The following LHFPL6 variants were observed in gnomAD, a reference collection of about 807,000 sequenced individuals.
LHFPL6 encodes the protein LHFPL tetraspan subfamily member 6 protein.
Under a neutral mutation model 20.6 loss-of-function variants are expected in LHFPL6, and 9 were observed. That is an observed-to-expected ratio of 0.44 (90% CI 0.26 to 0.76). The LOEUF (loss-of-function observed/expected upper bound fraction) is 0.76. Among genes scored for constraint, LHFPL6 ranks in the 30% least tolerant of loss-of-function variants. The pLI is 0.20. For missense variants in LHFPL6, 218 were observed against 253.5 expected (o/e 0.86, Z 0.95); for synonymous variants, 105 against 98.7 (o/e 1.06, Z -0.38).
chr13:39,572,944 A>T (rs1871979547), intron 2 of LHFPL6, among the ~76,000 whole-genome samples: 2 of 152,226 alleles, frequency 1.3e-5, no homozygotes, highest in Non-Finnish European at 2.9e-5. Context: ...AAAGTAATGA[A>T]TAATGTTATT....
At chr13:39,466,247 C>A (rs1872803328) in intron 2 of LHFPL6, among the ~76,000 whole-genome samples, 1 of 152,066 alleles carries the variant, frequency 6.6e-6, no homozygotes, top group Non-Finnish European at 1.5e-5. Context: ...TCAATATTGC[C>A]ACATAATTCT....
chr13:39,384,763 T>C (rs1566099216), intron 2 of LHFPL6, among the ~76,000 whole-genome samples: 1 of 152,222 alleles, frequency 6.6e-6, no homozygotes, highest in East Asian at 1.9e-4. Context: ...TAATATTATT[T>C]ACATGGGTTT....
chr13:39,473,463 C>T (rs913955178), intron 2 of LHFPL6, among the ~76,000 whole-genome samples: 1 of 151,352 alleles, frequency 6.6e-6, no homozygotes, highest in African/African-American at 2.4e-5. Flanking sequence ...GAGTGAAAGA[C>T]TGAAAGCCAA....
At chr13:39,517,063 T>C (rs1275438254) in intron 2 of LHFPL6, among the ~76,000 whole-genome samples, 1 of 152,184 alleles carries the variant, frequency 6.6e-6, no homozygotes, top group Non-Finnish European at 1.5e-5. Context: ...ATAATACCTT[T>C]TCTAGAAGTT....
chr13:39,373,509 A>G (rs1431930761), intron 3 of LHFPL6, among the ~76,000 whole-genome samples: 3 of 152,304 alleles, frequency 2.0e-5, no homozygotes, highest in African/African-American at 7.2e-5. Flanking sequence ...CTTCCTTCCC[A>G]CTGCCACTCA....
chr13:39,446,688 T>C (rs78251522), intron 2 of LHFPL6, among the ~76,000 whole-genome samples: 2 of 48,084 alleles, frequency 4.2e-5, no homozygotes, highest in African/African-American at 1.6e-4. Context: ...GTAAACCATA[T>C]TGCCCAAAGT....
chr13:39,352,078 G>T (rs916514833), intron 3 of LHFPL6, among the ~76,000 whole-genome samples: 2 of 152,196 alleles, frequency 1.3e-5, no homozygotes, highest in African/African-American at 2.4e-5. Context: ...ACCTTGCAAA[G>T]ACTTGACAGC....
chr13:39,584,417 C>A (rs868847095), intron 2 of LHFPL6, among the ~76,000 whole-genome samples: 12 of 151,376 alleles, frequency 7.9e-5, no homozygotes, highest in Middle Eastern at 3.4e-3. Flanking sequence ...ATCCCAGCTA[C>A]TCAGGAGGCT....
chr13:39,576,929 T>G (rs2324343), intron 2 of LHFPL6, among the ~76,000 whole-genome samples: 115,992 of 152,018 alleles, frequency 0.76, 44,905 homozygotes, highest in Middle Eastern at 0.85. Context: ...AGTCCTGCAT[T>G]AGATATATGA....
rs140055386 is a variant in LHFPL6, at chr13:39,486,210, C to T, written c.386-107684G>A. On this transcript the variant is annotated intron_variant, in intron 2 of 3. Transcript: ENST00000379589. ...AGTGGAATTTCTAGTGGGACAAGAC[C>T]TGGAATTTCCATATTTCTACATCAC... is the stretch of plus-strand genomic sequence containing the variant. Among the ~76,000 whole-genome samples, 508 of 152,252 alleles carry T rather than the reference C, an allele frequency of 3.3e-3. 2 individuals are homozygous for T. The highest frequency in any genetic ancestry group is 0.012 in the Admixed American group (176 of 15,292).
chr13:39,487,806 G>A (rs1313222887), intron 2 of LHFPL6, among the ~76,000 whole-genome samples: 1 of 152,148 alleles, frequency 6.6e-6, no homozygotes, highest in Non-Finnish European at 1.5e-5. Flanking sequence ...AGCACTTTGG[G>A]AGGCCGAGAT....
At chr13:39,387,407 C>T (rs969884302) in intron 2 of LHFPL6, among the ~76,000 whole-genome samples, 3 of 151,778 alleles carry the variant, frequency 2.0e-5, no homozygotes, top group African/African-American at 7.3e-5. Context: ...ATTAGCTGGG[C>T]ATGGTGGTGC....
intron 2 of LHFPL6, among the ~76,000 whole-genome samples, chr13:39,526,628 GCATCA>G (rs1870295850): frequency 6.6e-6 from 1 of 152,202 alleles, no homozygotes; most frequent in Admixed American, 6.5e-5. Context: ...TTAGTGTTCA[GCATCA>G]GATGGGCTGA....
At chr13:39,562,683 CACACACACACACATATAT>C (rs1871576388) in intron 2 of LHFPL6, among the ~76,000 whole-genome samples, 4 of 148,276 alleles carry the variant, frequency 2.7e-5, no homozygotes, top group East Asian at 2.0e-4. Context: ...CATATATACA[CACACACACACACATATAT>C]ATATATACAC....
intron 2 of LHFPL6, among the ~76,000 whole-genome samples, chr13:39,498,915 C>T (rs1566125391): frequency 6.6e-6 from 1 of 152,082 alleles, no homozygotes; most frequent in Non-Finnish European, 1.5e-5. Flanking sequence ...GGCTGGAGTG[C>T]AGTGACGCGA....
chr13:39,570,261 C>A (rs76463407), intron 2 of LHFPL6, among the ~76,000 whole-genome samples: 3,736 of 152,186 alleles, frequency 0.025, 154 homozygotes, highest in East Asian at 0.15. Flanking sequence ...TCATCTCAGC[C>A]TCCTGAATAG....
intron 2 of LHFPL6, among the ~76,000 whole-genome samples, chr13:39,418,227 C>T (rs976549159): frequency 6.6e-6 from 1 of 151,822 alleles, no homozygotes; most frequent in African/African-American, 2.4e-5. Flanking sequence ...TAATTCTTTA[C>T]ATGGGATTTG....
At chr13:39,495,305 T>G (rs1352972621) in intron 2 of LHFPL6, among the ~76,000 whole-genome samples, 1 of 152,244 alleles carries the variant, frequency 6.6e-6, no homozygotes, top group African/African-American at 2.4e-5. Flanking sequence ...TTAGGCTATA[T>G]TTGCCATTTA....
At position 39,360,704 on chromosome 13, in the gene LHFPL6, C is replaced by T. The variant is rs549014306; in HGVS notation, c.485-16650G>A. Reference sequence around the variant, plus strand: ...AGAGGGCAATGACCAGCTGTTCAAACGCTAAGCTCAAATAGGAGCACATGT... The same window carrying T: ...AGAGGGCAATGACCAGCTGTTCAAATGCTAAGCTCAAATAGGAGCACATGT... On this transcript the variant is annotated intron_variant, in intron 3 of 3. Coordinates refer to ENST00000379589, the MANE Select transcript of LHFPL6 (RefSeq NM_005780.3). Among the ~76,000 whole-genome samples, 4 of 90,972 alleles carry T rather than the reference C, an allele frequency of 4.4e-5. 1 individual carries two copies. The highest frequency in any genetic ancestry group is 8.1e-4 in the South Asian group (2 of 2,460). 59.7% of individuals were successfully genotyped at this position (90,972 alleles called of 152,430 possible).
Sources: allele counts gnomAD v4.1 joint callset (sites outside exome capture counted in the v4.1 genomes callset), GRCh38; gene constraint gnomAD v4.1.1; transcripts MANE v1.5; gene names NCBI Gene and HGNC (gene_info 2026-07-23, HGNC 2026-07-21).